The following DPYSL4 variants were observed in gnomAD, a reference collection of about 807,000 sequenced individuals.
The protein encoded by DPYSL4 is dihydropyrimidinase like 4.
DPYSL4 carries 43 observed loss-of-function variants against 63.4 expected under a neutral mutation model. The ratio of observed to expected loss-of-function variants is 0.68; its 90% CI spans 0.53 to 0.88. DPYSL4 has a LOEUF of 0.88. DPYSL4 is among the 40% of genes least tolerant of loss of function. The pLI is 0.00. For missense variants in DPYSL4, 733 were observed against 819.5 expected (o/e 0.89, Z 1.29); for synonymous variants, 353 against 331.7 (o/e 1.06, Z -0.70).
At position 132,194,547 on chromosome 10, in the gene DPYSL4, C is replaced by T. The variant is rs116096547; in HGVS notation, c.314-298C>T. 8.9e-3 allele frequency among the ~76,000 whole-genome samples: 1,356 copies of T among 152,342 alleles called. 26 individuals carry two copies. The highest frequency in any genetic ancestry group is 0.03 in the African/African-American group (1,262 of 41,574). On this transcript the variant is annotated intron_variant, in intron 3 of 13. Transcript: ENST00000338492. ...GGGCAAAGCCCCGACCTCCTGTGCT[C>T]CTCCAAGTGCGATGTGGGAGTAGGG...
At chr10:132,193,948 C>T (rs2061908586) in intron 3 of DPYSL4, among the ~76,000 whole-genome samples, 2 of 152,276 alleles carry the variant, frequency 1.3e-5, no homozygotes, top group African/African-American at 4.8e-5. Flanking sequence ...AGACTGGCCA[C>T]TGCTCGCGCC....
At chr10:132,193,107 G>A (rs774503783) in intron 3 of DPYSL4, among the ~76,000 whole-genome samples, 4 of 152,032 alleles carry the variant, frequency 2.6e-5, no homozygotes, top group Non-Finnish European at 5.9e-5. Context: ...TTCTTCCCTG[G>A]GCACTAGTAG....
chr10:132,204,072 G>A (rs1418453516), intron 13 of DPYSL4, 145 bp downstream of exon 13: 2 of 1,115,634 alleles, frequency 1.8e-6, no homozygotes, highest in African/African-American at 1.7e-5. Context: ...GCTGCTGGGG[G>A]TGTTGTGGGG....
At position 132,197,039 on chromosome 10, in the gene DPYSL4, A is replaced by G. The variant is rs984482345; in HGVS notation, c.559A>G (p.Ile187Val). The G allele has an allele frequency of 6.3e-7, 1 of 1,598,522 alleles. No homozygotes were observed. The highest frequency in any genetic ancestry group is 8.5e-7 in the Non-Finnish European group (1 of 1,171,568). ...TTCCCAGATGTACGAGATCTTCAGC[A>G]TCATCCGGGACCTGGGGGCCTTGGC... Reference protein sequence around the residue: ...SDSQMYEIFSIIRDLGALAQV... With the variant: ...SDSQMYEIFSVIRDLGALAQV... Residue 187 changes from isoleucine (I) to valine (V), a missense_variant, in exon 6 of 14, where the codon ATC (isoleucine) becomes GTC (valine). By Grantham distance (29) the Ile-to-Val change is conservative. Transcript: ENST00000338492.
chr10:132,186,997 CCCCGCCCGCCCGCCCGCCCG>C lies in DPYSL4; in HGVS notation c.-59_-40del, dbSNP rs765162642. ...CGCACGCGTCCCGGCTCACGCGTCC[CCCCGCCCGCCCGCCCGCCCG>C]CCCGCCCCCGCTTGTGCCGCCCCTA... is the stretch of plus-strand genomic sequence containing the variant. On this transcript the variant is annotated 5_prime_UTR_variant, in exon 1 of 14. Coordinates refer to ENST00000338492, the MANE Select transcript of DPYSL4 (RefSeq NM_006426.3). 2.0e-5 allele frequency: 2 copies of C among 99,818 alleles called. 1 individual carries two copies. The highest frequency in any genetic ancestry group is 7.6e-5 in the African/African-American group (2 of 26,258). 6.2% of individuals were successfully genotyped at this position (99,818 alleles called of 1,614,324 possible).
In DPYSL4 at chr10:132,196,855, C is replaced by T; in HGVS notation, c.479-6C>T. 3 of 1,613,662 alleles carry T rather than the reference C, an allele frequency of 1.9e-6. No individual in the cohort carries two copies. Among genetic ancestry groups the T allele is most frequent in the Non-Finnish European group, 2.5e-6 (3 of 1,179,974 alleles). On this transcript the variant is annotated splice_region_variant and splice_polypyrimidine_tract_variant and intron_variant, in intron 4 of 13. Transcript: ENST00000338492. ...GCTGAGCCTCTGACCCCTGCCTCTT[C>T]TCCAGGTGTGAACTCCTTCCTGGTC...
chr10:132,195,100 T>C (rs1590095370), intron 4 of DPYSL4, 91 bp downstream of exon 4: 2 of 1,414,376 alleles, frequency 1.4e-6, no homozygotes, highest in East Asian at 2.5e-5. Context: ...GGTGCTGCTC[T>C]GCCCTGGGGG....
At chr10:132,193,182 G>A (rs1433957578) in intron 3 of DPYSL4, among the ~76,000 whole-genome samples, 1 of 152,198 alleles carries the variant, frequency 6.6e-6, no homozygotes, top group Non-Finnish European at 1.5e-5. Context: ...CATGCTGTCT[G>A]AAATGCCAGA....
At chr10:132,195,289 TG>T (rs886435145) in intron 4 of DPYSL4, among the ~76,000 whole-genome samples, 2 of 152,160 alleles carry the variant, frequency 1.3e-5, no homozygotes, top group Non-Finnish European at 2.9e-5. Context: ...CTGCCCAGGG[TG>T]GAAGAGCAGC....
intron 1 of DPYSL4, among the ~76,000 whole-genome samples, chr10:132,188,213 C>T (rs563109968): frequency 6.1e-4 from 93 of 152,136 alleles, no homozygotes; most frequent in Non-Finnish European, 1.2e-3. Context: ...TGCGGAGGGG[C>T]AGCTGCTTCC....
Position 132,201,314 on chromosome 10 carries a change from G to A in DPYSL4, c.1110+331G>A, listed in dbSNP as rs372865561. The stretch of plus-strand genomic sequence containing the variant: ...CTCCCCCGCGATGCCCTCACGACCC[G>A]TCGCACACCGCCCTGTCCTGCGCCC... On this transcript the variant is annotated intron_variant, in intron 10 of 13. Coordinates refer to ENST00000338492, the MANE Select transcript of DPYSL4 (RefSeq NM_006426.3). 2.9e-3 allele frequency among the ~76,000 whole-genome samples: 435 copies of A among 152,158 alleles called. 4 individuals are homozygous for A. The highest frequency in any genetic ancestry group is 9.9e-3 in the African/African-American group (410 of 41,500).
chr10:132,197,301 T>C (rs1264517293), intron 6 of DPYSL4, among the ~76,000 whole-genome samples, 200 bp downstream of exon 6: 1 of 152,166 alleles, frequency 6.6e-6, no homozygotes, highest in African/African-American at 2.4e-5. Flanking sequence ...TGGGGGGTGA[T>C]GGGGAGCTTT....
chr10:132,194,597 T>TTCTCCCCTCTCCCC (rs113742263), intron 3 of DPYSL4, among the ~76,000 whole-genome samples: 1 of 151,988 alleles, frequency 6.6e-6, no homozygotes, highest in Non-Finnish European at 1.5e-5. Context: ...GGCTTTTCCT[T>TTCTCCCCTCTCCCC]TCTCCCCTCT....
intron 8 of DPYSL4, among the ~76,000 whole-genome samples, chr10:132,199,699 TGGTGGTGGTG>T (rs1294664585): frequency 9.7e-5 from 10 of 103,494 alleles, no homozygotes; most frequent in African/African-American, 3.7e-4. Context: ...GGCGGGGTGG[TGGTGGTGGTG>T]GGTGGTGCCC....
Position 132,202,110 on chromosome 10 carries a change from C to T in DPYSL4, c.1275C>T (p.His425=). The T allele has an allele frequency of 6.2e-7, 1 of 1,612,152 alleles. No homozygotes were observed. Among genetic ancestry groups the T allele is most frequent in the Non-Finnish European group, 8.5e-7 (1 of 1,179,438 alleles). The change falls in exon 11 of 14, where the codon CAC becomes CAT. Residue 425 remains histidine, a synonymous_variant. Coordinates refer to ENST00000338492, the MANE Select transcript of DPYSL4 (RefSeq NM_006426.3). ...KATKIISAKT[H]NLNVEYNIFE... Reference sequence around the variant, plus strand: ...CCAAGATCATCTCTGCCAAGACCCACAATCTGGTAAGAGAAGGCGGCTGTA... The same window carrying T: ...CCAAGATCATCTCTGCCAAGACCCATAATCTGGTAAGAGAAGGCGGCTGTA...
At position 132,187,182 on chromosome 10, in the gene DPYSL4, T is replaced by C. The variant is rs558325925; in HGVS notation, c.39+80T>C. ...CTGGACGCCGGGCGGACCCTCCTGG[T>C]CTTGTGCGTGGGTGGGGGGTCCCTG... On this transcript the variant is annotated intron_variant, in intron 1 of 13. Coordinates refer to ENST00000338492, the MANE Select transcript of DPYSL4 (RefSeq NM_006426.3). 1,273 of 1,074,016 alleles carry C rather than the reference T, an allele frequency of 1.2e-3. 17 individuals are homozygous for C. The South Asian group carries it at 0.018, about 15-fold the overall frequency. 66.5% of individuals were successfully genotyped at this position (1,074,016 alleles called of 1,614,324 possible).
intron 8 of DPYSL4, 84 bp from the exon 9 acceptor site, chr10:132,200,272 C>T (rs1249912115): frequency 8.8e-5 from 134 of 1,525,454 alleles, no homozygotes; most frequent in Non-Finnish European, 1.1e-4. Context: ...GAGGGGCAGT[C>T]GTGGGTGTCA....
chr10:132,204,442 A>G (rs1040807471), intron 13 of DPYSL4, among the ~76,000 whole-genome samples: 4 of 152,126 alleles, frequency 2.6e-5, no homozygotes, highest in African/African-American at 7.2e-5. Flanking sequence ...AGGTGATAGC[A>G]AAGCCCTGCT....
rs1554965450 is a variant in DPYSL4, at chr10:132,187,018, C to CCCGCCCGCCCCCGCTTGTG, written c.-40_-39insGCCCCCGCTTGTGCCGCCC. On this transcript the variant is annotated 5_prime_UTR_variant, in exon 1 of 14. Coordinates refer to ENST00000338492, the MANE Select transcript of DPYSL4 (RefSeq NM_006426.3). ...GTCCCCCCGCCCGCCCGCCCGCCCG[C>CCCGCCCGCCCCCGCTTGTG]CCGCCCCCGCTTGTGCCGCCCCTAC... 1 of 283,242 alleles carries CCCGCCCGCCCCCGCTTGTG rather than the reference C, an allele frequency of 3.5e-6. No homozygotes were observed. The highest frequency in any genetic ancestry group is 6.0e-6 in the Non-Finnish European group (1 of 166,266). The allele number at this position is 283,242 out of a possible 1,614,324, so 17.5% of individuals were successfully genotyped here.
Sources: allele counts gnomAD v4.1 joint callset (sites outside exome capture counted in the v4.1 genomes callset), GRCh38; gene constraint gnomAD v4.1.1; transcripts MANE v1.5; gene names NCBI Gene and HGNC (gene_info 2026-07-23, HGNC 2026-07-21).